Variants in C1orf50 observed in about 807,000 individuals in gnomAD.
C1orf50 encodes the protein uncharacterized protein C1orf50.
A neutral mutation model predicts 23.3 loss-of-function variants in C1orf50; 22 were observed. That is an observed-to-expected ratio of 0.94 (90% CI 0.67 to 1.35). The LOEUF (loss-of-function observed/expected upper bound fraction) is 1.35, where lower values mean the gene tolerates loss of function less well. Ranked by LOEUF, C1orf50 falls within the 40% of genes most tolerant of loss-of-function variation. C1orf50 has a pLI of 0.00. For synonymous variants in C1orf50, 96 were observed against 102.4 expected, an observed-to-expected ratio of 0.94 and a Z score of 0.38; for missense variants, 271 against 249.4, an observed-to-expected ratio of 1.09 and a Z score of -0.58.
chr1:42,775,099 T>C, intron 4 of C1orf50, 110 bp from the exon 5 acceptor site: 1 of 1,087,858 alleles, frequency 9.2e-7, no homozygotes, highest in Non-Finnish European at 1.3e-6. Context: ...AAGGTTGTTC[T>C]GACTAGTATG....
intron 2 of C1orf50, among the ~76,000 whole-genome samples, chr1:42,769,402 G>A (rs1301471439): frequency 2.0e-5 from 3 of 151,408 alleles, no homozygotes; most frequent in Non-Finnish European, 2.9e-5. Flanking sequence ...AAAATTAGCC[G>A]GGCATGGTGG....
chr1:42,772,208 A>G (rs1653239089), intron 2 of C1orf50, among the ~76,000 whole-genome samples: 1 of 152,000 alleles, frequency 6.6e-6, no homozygotes, highest in African/African-American at 2.4e-5. Context: ...CAGATAAATG[A>G]CTCAGTTTAC....
At position 42,775,588 on chromosome 1, in the gene C1orf50, TC is replaced by T. The variant is rs1233527272; in HGVS notation, c.*195del. On this transcript the variant is annotated 3_prime_UTR_variant, in exon 5 of 5. Coordinates refer to ENST00000372525, the MANE Select transcript of C1orf50 (RefSeq NM_024097.4). ...ATCATTGAGACAGAGTCACTGTCTT[TC>T]GGGATCCTCTTTGGACCACAGATAC... The T allele has an allele frequency of 6.1e-6, 3 of 492,460 alleles. No homozygotes were observed. The highest frequency in any genetic ancestry group is 1.1e-5 in the Non-Finnish European group (3 of 281,208). The allele number at this position is 492,460 out of a possible 1,614,324, so 30.5% of individuals were successfully genotyped here.
rs760130926 is a variant in C1orf50 at position 42,776,772 on chromosome 1, G to C, written c.*1378G>C. ...CCGGATGGAAGAGACATTAGTGGTAGAGTAGTGGATTCTGACTACAGAAAG... is the reference window on the plus strand; with the variant it reads ...CCGGATGGAAGAGACATTAGTGGTACAGTAGTGGATTCTGACTACAGAAAG... On this transcript the variant is annotated 3_prime_UTR_variant, in exon 5 of 5. Transcript: ENST00000372525. 7.9e-5 allele frequency: 12 copies of C among 152,266 alleles called. No individual in the cohort carries two copies. Among genetic ancestry groups the C allele is most frequent in the Non-Finnish European group, 1.5e-4 (10 of 68,048 alleles). The allele number at this position is 152,266 out of a possible 1,614,324, so 9.4% of individuals were successfully genotyped here.
Position 42,776,616 on chromosome 1 carries a change from T to TA in C1orf50, c.*1222_*1223insA, listed in dbSNP as rs1653345605. On this transcript the variant is annotated 3_prime_UTR_variant, in exon 5 of 5. Transcript: ENST00000372525. ...TGCATTTCTTGTGAGCTGTAAGAGG[T>TA]CTACCTAAGGCCTAGCACAGGATGG... 6.6e-6 allele frequency: 1 copy of TA among 152,252 alleles called. No individual in the cohort carries two copies. The highest frequency in any genetic ancestry group is 2.4e-5 in the African/African-American group (1 of 41,420). The allele number at this position is 152,252 out of a possible 1,614,324, so 9.4% of individuals were successfully genotyped here. A position where few individuals can be genotyped will look rare whatever the true frequency, so the allele number is the denominator to read the frequency against.
Position 42,774,733 on chromosome 1 carries a change from A to G in C1orf50, c.283-4A>G, listed in dbSNP as rs1653297851. The G allele has an allele frequency of 2.5e-6, 4 of 1,603,942 alleles. No homozygotes were observed. The highest frequency in any genetic ancestry group is 3.4e-6 in the Non-Finnish European group (4 of 1,172,404). On this transcript the variant is annotated splice_region_variant and splice_polypyrimidine_tract_variant and intron_variant, in intron 3 of 4. Transcript: ENST00000372525. Reference sequence around the variant, plus strand: ...CTAATTTGTTACATATCTGTGATTCATAGGTACTGGAAGATGCTCACAGAG... The same window carrying G: ...CTAATTTGTTACATATCTGTGATTCGTAGGTACTGGAAGATGCTCACAGAG...
chr1:42,774,904 C>A, intron 4 of C1orf50, 36 bp downstream of exon 4: 1 of 1,586,244 alleles, frequency 6.3e-7, no homozygotes. Flanking sequence ...AAATCTACTC[C>A]AGCCTCTGAG....
chr1:42,767,919 G>A (rs1366181444), intron 2 of C1orf50, among the ~76,000 whole-genome samples: 1 of 152,172 alleles, frequency 6.6e-6, no homozygotes, highest in Non-Finnish European at 1.5e-5. Flanking sequence ...GCCTTGTGAG[G>A]TAGGCAGTAC....
chr1:42,767,251 C>G lies in C1orf50; in HGVS notation c.-61C>G, dbSNP rs1341446006. 6.9e-7 allele frequency: 1 copy of G among 1,452,478 alleles called. No individual in the cohort carries two copies. The highest frequency in any genetic ancestry group is 9.1e-7 in the Non-Finnish European group (1 of 1,100,286). 90.0% of individuals were successfully genotyped at this position (1,452,478 alleles called of 1,614,324 possible). ...AAAGACGGAAGCTCCGCCCACGCGC[C>G]TTTATGCGCAGGCTCTTCCTACTCG... On this transcript the variant is annotated 5_prime_UTR_variant, in exon 1 of 5. Coordinates refer to ENST00000372525, the MANE Select transcript of C1orf50 (RefSeq NM_024097.4).
chr1:42,767,732 T>A, intron 2 of C1orf50, 108 bp downstream of exon 2: 1 of 991,242 alleles, frequency 1.0e-6, no homozygotes, highest in South Asian at 1.5e-5. Flanking sequence ...GCATTTGCTC[T>A]TGTCTCCATT....
Position 42,767,282 on chromosome 1 carries a change from C to T in C1orf50, c.-30C>T. 2.0e-6 allele frequency: 3 copies of T among 1,481,774 alleles called. No homozygotes were observed. The highest frequency in any genetic ancestry group is 2.4e-5 in the East Asian group (1 of 41,286). The allele number at this position is 1,481,774 out of a possible 1,614,324, so 91.8% of individuals were successfully genotyped here. A position where few individuals can be genotyped will look rare whatever the true frequency, so the allele number is the denominator to read the frequency against. On this transcript the variant is annotated 5_prime_UTR_variant, in exon 1 of 5. Coordinates refer to ENST00000372525, the MANE Select transcript of C1orf50 (RefSeq NM_024097.4). ...GCGCAGGCTCTTCCTACTCGCACAG[C>T]CCAGGGAGTGGGGAGGATAAGGCGC...
intron 3 of C1orf50, among the ~76,000 whole-genome samples, chr1:42,773,984 T>A (rs1570494847): frequency 6.6e-6 from 1 of 151,770 alleles, no homozygotes; most frequent in East Asian, 2.0e-4. Context: ...CACCACACCC[T>A]GCTAACTTTT....
In C1orf50 at chr1:42,774,981, G is replaced by C. The variant is rs887947116; in HGVS notation, c.414+113G>C. On this transcript the variant is annotated intron_variant, in intron 4 of 4. Transcript: ENST00000372525. ...GTATATGGTTTCTTAGAAAATTGGG[G>C]GTGATGTGAGCCCAGACATGACTCT... The C allele has an allele frequency of 5.1e-5, 67 of 1,321,380 alleles. No homozygotes were observed. The Admixed American group carries it at 1.4e-3, about 28-fold the overall frequency. 81.9% of individuals were successfully genotyped at this position (1,321,380 alleles called of 1,614,324 possible).
intron 2 of C1orf50, chr1:42,773,342 G>A (rs968759012): frequency 2.5e-6 from 1 of 405,792 alleles, no homozygotes; most frequent in African/African-American, 2.1e-5. Flanking sequence ...ATAGAAGAGA[G>A]CACTTAACTC....
intron 2 of C1orf50, among the ~76,000 whole-genome samples, chr1:42,770,489 A>G (rs369357472): frequency 6.6e-6 from 1 of 151,050 alleles, no homozygotes; most frequent in Non-Finnish European, 1.5e-5. Flanking sequence ...CTGGAGTGCA[A>G]TGGCGCCATC....
chr1:42,773,459 T>G (rs2124190941), intron 2 of C1orf50, 104 bp from the exon 3 acceptor site: 1 of 695,702 alleles, frequency 1.4e-6, no homozygotes, highest in East Asian at 3.0e-5. Flanking sequence ...GGAAAAATAT[T>G]TTAGGCAGAA....
Position 42,767,258 on chromosome 1 carries a change from C to A in C1orf50, c.-54C>A, listed in dbSNP as rs545034562. 3 of 1,456,556 alleles carry A rather than the reference C, an allele frequency of 2.1e-6. No individual in the cohort carries two copies. Among genetic ancestry groups the A allele is most frequent in the Non-Finnish European group, 2.7e-6 (3 of 1,103,320 alleles). 90.2% of individuals were successfully genotyped at this position (1,456,556 alleles called of 1,614,324 possible). Reference sequence around the variant, plus strand: ...GAAGCTCCGCCCACGCGCCTTTATGCGCAGGCTCTTCCTACTCGCACAGCC... The same window carrying A: ...GAAGCTCCGCCCACGCGCCTTTATGAGCAGGCTCTTCCTACTCGCACAGCC... On this transcript the variant is annotated 5_prime_UTR_variant, in exon 1 of 5. Coordinates refer to ENST00000372525, the MANE Select transcript of C1orf50 (RefSeq NM_024097.4).
intron 2 of C1orf50, among the ~76,000 whole-genome samples, chr1:42,772,689 G>A (rs1653248126): frequency 6.6e-6 from 1 of 152,074 alleles, no homozygotes; most frequent in Non-Finnish European, 1.5e-5. Flanking sequence ...GCTGACATTA[G>A]AGAATTACTT....
intron 2 of C1orf50, among the ~76,000 whole-genome samples, chr1:42,768,828 C>T (rs1248769792): frequency 6.6e-6 from 1 of 152,054 alleles, no homozygotes; most frequent in African/African-American, 2.4e-5. Context: ...CAGTTTTTGT[C>T]TTTCATCCTA....
Sources: gnomAD v4.1 joint callset for allele counts (sites outside exome capture counted in the v4.1 genomes callset) on GRCh38, gnomAD v4.1.1 for gene constraint, MANE v1.5 for transcripts, NCBI Gene and HGNC (gene_info 2026-07-23, HGNC 2026-07-21) for gene names.